The following B3GALT1 variants were observed in gnomAD, a reference collection of about 807,000 sequenced individuals.
B3GALT1 encodes the protein beta-1,3-galactosyltransferase 1.
B3GALT1 carries 10 observed loss-of-function variants against 23.2 expected under a neutral mutation model. The observed-to-expected ratio is 0.43, with a 90% CI of 0.27 to 0.73. The LOEUF (loss-of-function observed/expected upper bound fraction) is 0.73, where lower values mean the gene tolerates loss of function less well. Ranked by LOEUF, B3GALT1 falls within the 30% of genes least tolerant of loss-of-function variation. B3GALT1 has a pLI of 0.21. For missense variants in B3GALT1, 299 were observed against 405.4 expected, an observed-to-expected ratio of 0.74 and a Z score of 2.25; for synonymous variants, 156 against 141.5, an observed-to-expected ratio of 1.10 and a Z score of -0.73.
intron 3 of B3GALT1, among the ~76,000 whole-genome samples, chr2:167,746,868 G>C (rs562702930): frequency 6.6e-6 from 1 of 152,256 alleles, no homozygotes; most frequent in Admixed American, 6.5e-5. Flanking sequence ...AATTGGGTTA[G>C]TACATATAAT....
chr2:167,336,836 G>T (rs1697065150), intron 1 of B3GALT1, among the ~76,000 whole-genome samples: 1 of 151,994 alleles, frequency 6.6e-6, no homozygotes, highest in Non-Finnish European at 1.5e-5. Context: ...TCCCTCAAGG[G>T]CCCATATCCT....
At chr2:167,394,309 A>G (rs1299998092) in intron 1 of B3GALT1, among the ~76,000 whole-genome samples, 2 of 152,210 alleles carry the variant, frequency 1.3e-5, no homozygotes, top group African/African-American at 4.8e-5. Flanking sequence ...GAGTTTTGAC[A>G]GTTCTAAATT....
intron 3 of B3GALT1, among the ~76,000 whole-genome samples, chr2:167,776,713 G>A (rs887072630): frequency 1.3e-5 from 2 of 152,172 alleles, no homozygotes; most frequent in South Asian, 4.1e-4. Flanking sequence ...TATGAAATGG[G>A]AACTTATATA....
At chr2:167,423,765 G>A (rs1172952427) in intron 1 of B3GALT1, among the ~76,000 whole-genome samples, 1 of 151,998 alleles carries the variant, frequency 6.6e-6, no homozygotes, top group African/African-American at 2.4e-5. Context: ...TTAATTCTTG[G>A]TACTTCTGTT....
chr2:167,820,232 TAATAC>T (rs1237658159), intron 4 of B3GALT1, among the ~76,000 whole-genome samples: 1 of 152,100 alleles, frequency 6.6e-6, no homozygotes, highest in East Asian at 1.9e-4. Flanking sequence ...AATAAATAAA[TAATAC>T]AATTACAAAT....
intron 1 of B3GALT1, among the ~76,000 whole-genome samples, chr2:167,474,416 T>C (rs2105332691): frequency 6.6e-6 from 1 of 152,296 alleles, no homozygotes; most frequent in Admixed American, 6.6e-5. Flanking sequence ...AGCAAAATGG[T>C]ATTGATATTA....
At chr2:167,857,421 T>C (rs187683454) in intron 4 of B3GALT1, among the ~76,000 whole-genome samples, 7 of 152,070 alleles carry the variant, frequency 4.6e-5, no homozygotes, top group African/African-American at 1.7e-4. Flanking sequence ...AAGGCACCAG[T>C]AGGATGAAAA....
intron 2 of B3GALT1, among the ~76,000 whole-genome samples, chr2:167,645,396 T>C (rs1685730848): frequency 6.6e-6 from 1 of 152,028 alleles, no homozygotes; most frequent in Admixed American, 6.6e-5. Flanking sequence ...GATAAAATAT[T>C]TAACTATCAA....
At chr2:167,807,456 C>G (rs1321175556) in intron 3 of B3GALT1, among the ~76,000 whole-genome samples, 1 of 152,020 alleles carries the variant, frequency 6.6e-6, no homozygotes, top group Non-Finnish European at 1.5e-5. Context: ...GCATTTAGTG[C>G]TATAAATTTC....
chr2:167,367,168 C>A (rs925482241), intron 1 of B3GALT1, among the ~76,000 whole-genome samples: 1 of 152,166 alleles, frequency 6.6e-6, no homozygotes, highest in Non-Finnish European at 1.5e-5. Context: ...AGATTTCCAA[C>A]AAGTCACGTA....
At chr2:167,577,011 TC>T (rs1296144250) in intron 2 of B3GALT1, among the ~76,000 whole-genome samples, 1 of 151,792 alleles carries the variant, frequency 6.6e-6, no homozygotes, top group Non-Finnish European at 1.5e-5. Flanking sequence ...CTTAATGTAC[TC>T]TAGGACTTTC....
At chr2:167,757,649 A>C (rs544761381) in intron 3 of B3GALT1, among the ~76,000 whole-genome samples, 23 of 152,290 alleles carry the variant, frequency 1.5e-4, no homozygotes, top group African/African-American at 5.3e-4. Flanking sequence ...GACTGATCAC[A>C]ATCTGAAAAG....
At chr2:167,459,010 A>G (rs1386526999) in intron 1 of B3GALT1, among the ~76,000 whole-genome samples, 4 of 152,176 alleles carry the variant, frequency 2.6e-5, no homozygotes, top group Non-Finnish European at 4.4e-5. Context: ...GCCTTTGGAT[A>G]TAAAAGTGAG....
chr2:167,472,986 C>G (rs989977057), intron 1 of B3GALT1, among the ~76,000 whole-genome samples: 2 of 152,030 alleles, frequency 1.3e-5, no homozygotes, highest in African/African-American at 4.8e-5. Flanking sequence ...CTGCCAAAAA[C>G]AAATCTAGCC....
At chr2:167,796,284 G>A (rs967827480) in intron 3 of B3GALT1, among the ~76,000 whole-genome samples, 1 of 152,066 alleles carries the variant, frequency 6.6e-6, no homozygotes, top group Non-Finnish European at 1.5e-5. Flanking sequence ...TAACTTATTT[G>A]ATTGTTTCAT....
At chr2:167,458,169 A>G (rs1445201474) in intron 1 of B3GALT1, among the ~76,000 whole-genome samples, 3 of 152,136 alleles carry the variant, frequency 2.0e-5, no homozygotes, top group South Asian at 4.1e-4. Flanking sequence ...CTTTTTGTCT[A>G]TATGATTTTG....
chr2:167,853,893 G>C (rs996630300), intron 4 of B3GALT1, among the ~76,000 whole-genome samples: 2 of 152,134 alleles, frequency 1.3e-5, no homozygotes, highest in Non-Finnish European at 2.9e-5. Context: ...ATAATCAGTT[G>C]TCATCCAGGA....
intron 3 of B3GALT1, among the ~76,000 whole-genome samples, chr2:167,729,189 G>A (rs868758474): frequency 2.6e-5 from 4 of 152,200 alleles, no homozygotes; most frequent in African/African-American, 4.8e-5. Flanking sequence ...AGGCAGTCTT[G>A]CTCACTCACA....
At chr2:167,783,443 C>T (rs886812155) in intron 3 of B3GALT1, among the ~76,000 whole-genome samples, 5 of 152,096 alleles carry the variant, frequency 3.3e-5, no homozygotes, top group African/African-American at 4.8e-5. Flanking sequence ...CTCCACCTAA[C>T]GCCTGACTCT....
Sources: gnomAD v4.1 joint callset for allele counts (sites outside exome capture counted in the v4.1 genomes callset) on GRCh38, gnomAD v4.1.1 for gene constraint, MANE v1.5 for transcripts, NCBI Gene and HGNC (gene_info 2026-07-23, HGNC 2026-07-21) for gene names.